The following DCC variants were observed in gnomAD, a reference collection of about 807,000 sequenced individuals.
The protein encoded by DCC is netrin receptor DCC.
Under a neutral mutation model 172.5 loss-of-function variants are expected in DCC, and 58 were observed. The observed-to-expected ratio is 0.34, with a 90% confidence interval of 0.27 to 0.42. The LOEUF is 0.42. Ranked by LOEUF, DCC falls within the 10% of genes least tolerant of loss-of-function variation. The pLI, the probability that DCC is intolerant of heterozygous loss-of-function variation, is 1.00. For missense variants in DCC, 1,740 were observed against 1,791.0 expected (o/e 0.97, Z 0.51); for synonymous variants, 709 against 644.5 (o/e 1.10, Z -1.52).
intron 2 of DCC, among the ~76,000 whole-genome samples, chr18:52,789,557 A>G (rs2037721706): frequency 6.6e-6 from 1 of 152,234 alleles, no homozygotes; most frequent in Non-Finnish European, 1.5e-5. Flanking sequence ...TAGCCACGCT[A>G]AGCAGTTAAG....
intron 5 of DCC, among the ~76,000 whole-genome samples, chr18:52,926,656 C>T (rs1483242654): frequency 1.3e-5 from 2 of 151,274 alleles, no homozygotes; most frequent in African/African-American, 4.8e-5. Flanking sequence ...ATAGGTAAAG[C>T]ATTACTTGCA....
intron 1 of DCC, among the ~76,000 whole-genome samples, chr18:52,673,054 C>A (rs1026657566): frequency 1.3e-5 from 2 of 152,152 alleles, no homozygotes; most frequent in African/African-American, 4.8e-5. Context: ...CAGAGCGAGA[C>A]CCTGTCTCTT....
chr18:53,300,648 C>T (rs1217262720), intron 12 of DCC, among the ~76,000 whole-genome samples: 2 of 152,216 alleles, frequency 1.3e-5, no homozygotes, highest in Non-Finnish European at 2.9e-5. Context: ...TAACCAGAGG[C>T]TTGAAGGAAC....
intron 1 of DCC, among the ~76,000 whole-genome samples, chr18:52,578,342 A>G (rs1414716473): frequency 1.3e-5 from 2 of 152,226 alleles, no homozygotes; most frequent in Admixed American, 1.3e-4. Flanking sequence ...CTAAGTTCTT[A>G]TATTTTGCCC....
chr18:52,812,278 T>C (rs928898654), intron 2 of DCC, among the ~76,000 whole-genome samples: 12 of 152,242 alleles, frequency 7.9e-5, no homozygotes, highest in African/African-American at 2.7e-4. Flanking sequence ...TTTTGTAAGA[T>C]CTTTCTTAGA....
In DCC at chr18:52,388,223, G is replaced by T. The variant is rs548051624; in HGVS notation, c.91+47345G>T. Among the ~76,000 whole-genome samples, 194 of 152,006 alleles carry T rather than the reference G, an allele frequency of 1.3e-3. 2 individuals carry two copies. Among genetic ancestry groups the T allele is most frequent in the Admixed American group, 2.6e-3 (39 of 15,274 alleles). On this transcript the variant is annotated intron_variant, in intron 1 of 28. Transcript: ENST00000442544. Reference sequence around the variant, plus strand: ...CTATTTTTTTTTTCTGCTAATTGAGGCATTAGGAGAAGGCAACTTTTCATG... The same window carrying T: ...CTATTTTTTTTTTCTGCTAATTGAGTCATTAGGAGAAGGCAACTTTTCATG...
intron 2 of DCC, among the ~76,000 whole-genome samples, chr18:52,895,367 G>T (rs1011050119): frequency 4.6e-5 from 7 of 152,088 alleles, no homozygotes; most frequent in Non-Finnish European, 8.8e-5. Flanking sequence ...TTTGTATTAA[G>T]AATTTTACAT....
chr18:52,419,563 GT>G (rs1321189049), intron 1 of DCC: 6 of 152,100 alleles, frequency 3.9e-5, no homozygotes, highest in South Asian at 2.1e-4. Flanking sequence ...AAACTATAAC[GT>G]TAAAGAAGAA....
At chr18:52,752,962 TTGTG>T (rs757514466) in intron 2 of DCC, among the ~76,000 whole-genome samples, 1 of 151,630 alleles carries the variant, frequency 6.6e-6, no homozygotes, top group Admixed American at 6.6e-5. Flanking sequence ...TAGTATTCCA[TTGTG>T]TGTGTGTATG....
intron 1 of DCC, among the ~76,000 whole-genome samples, chr18:52,515,270 C>T (rs1252387234): frequency 1.3e-5 from 2 of 151,974 alleles, no homozygotes; most frequent in Non-Finnish European, 2.9e-5. Flanking sequence ...AAAAAATGAA[C>T]CTCCACGTAT....
intron 1 of DCC, among the ~76,000 whole-genome samples, chr18:52,670,540 T>C (rs1202078606): frequency 6.6e-6 from 1 of 152,166 alleles, no homozygotes; most frequent in Admixed American, 6.5e-5. Flanking sequence ...AGTTTATCTG[T>C]ACATAATTCT....
intron 1 of DCC, among the ~76,000 whole-genome samples, chr18:52,618,334 T>C (rs530059110): frequency 2.0e-5 from 3 of 152,304 alleles, no homozygotes; most frequent in Admixed American, 2.0e-4. Flanking sequence ...ACTGCCTTAA[T>C]AATTATGCAG....
chr18:52,566,985 T>C (rs2144750886), intron 1 of DCC, among the ~76,000 whole-genome samples: 2 of 152,330 alleles, frequency 1.3e-5, no homozygotes, highest in East Asian at 3.9e-4. Flanking sequence ...GCAGGGACTT[T>C]TCATGCATTT....
At chr18:52,781,385 TC>T (rs2145185811) in intron 2 of DCC, among the ~76,000 whole-genome samples, 1 of 145,214 alleles carries the variant, frequency 6.9e-6, no homozygotes, top group South Asian at 2.4e-4. Context: ...TTCTCCGAGC[TC>T]CAACAGGATC....
rs374129823 is a variant in DCC at position 52,783,323 on chromosome 18, C to CTTTTTTTTTTTTTTT, written c.412+30973_412+30987dup. On this transcript the variant is annotated intron_variant, in intron 2 of 28. Transcript: ENST00000442544. ...ACTAAAAATAATTTATACTACTACT[C>CTTTTTTTTTTTTTTT]TTTTTTTTTTTTTTTTTTTTTTTTT... Among the ~76,000 whole-genome samples, 160 of 59,232 alleles carry CTTTTTTTTTTTTTTT rather than the reference C, an allele frequency of 2.7e-3. 28 individuals carry two copies. Among genetic ancestry groups the CTTTTTTTTTTTTTTT allele is most frequent in the Middle Eastern group, 0.018 (2 of 110 alleles). 38.9% of individuals were successfully genotyped at this position (59,232 alleles called of 152,430 possible).
intron 25 of DCC, among the ~76,000 whole-genome samples, chr18:53,481,503 T>C (rs2045831452): frequency 6.6e-6 from 1 of 152,122 alleles, no homozygotes; most frequent in Non-Finnish European, 1.5e-5. Context: ...GAAGGAGATA[T>C]GAATATCAAG....
intron 1 of DCC, among the ~76,000 whole-genome samples, chr18:52,508,130 C>T (rs983753123): frequency 2.0e-5 from 3 of 151,978 alleles, no homozygotes; most frequent in African/African-American, 7.3e-5. Context: ...ATTATTTCAT[C>T]CTAATCTACG....
intron 22 of DCC, among the ~76,000 whole-genome samples, chr18:53,436,720 G>A (rs1256770343): frequency 2.0e-5 from 3 of 152,086 alleles, no homozygotes; most frequent in Admixed American, 1.3e-4. Flanking sequence ...CCAGCAACAC[G>A]TAGAACGTCT....
intron 8 of DCC, among the ~76,000 whole-genome samples, chr18:53,159,679 A>G (rs9957223): frequency 0.41 from 62,129 of 151,990 alleles, 13,592 homozygotes; most frequent in East Asian, 0.71. Flanking sequence ...ATCTGTATGC[A>G]TATATGTAAA....
Sources: gnomAD v4.1 joint callset for allele counts (sites outside exome capture counted in the v4.1 genomes callset) on GRCh38, gnomAD v4.1.1 for gene constraint, MANE v1.5 for transcripts, NCBI Gene and HGNC (gene_info 2026-07-23, HGNC 2026-07-21) for gene names.